SLU7: variants seen among roughly 807,000 people sequenced by gnomAD.
The protein encoded by SLU7 is pre-mRNA-splicing factor SLU7.
In SLU7, 60 loss-of-function variants were observed where a neutral mutation model predicts 87.0. The observed-to-expected ratio is 0.69, with a 90% confidence interval of 0.56 to 0.86. The LOEUF is 0.86. Ranked by LOEUF, SLU7 falls within the 40% of genes least tolerant of loss-of-function variation. SLU7 has a pLI of 0.00. For synonymous variants in SLU7, 197 were observed against 222.0 expected (o/e 0.89, Z 1.00); for missense variants, 507 against 686.6 (o/e 0.74, Z 2.92).
chr5:160,408,289 A>C lies in SLU7; in HGVS notation c.819+40T>G, dbSNP rs780044221. Reference sequence around the variant, plus strand: ...CGATAAAATTTATGCTGGGAAGACAAGTATTTTTCAAATATGTATGTTAAG... The same window carrying C: ...CGATAAAATTTATGCTGGGAAGACACGTATTTTTCAAATATGTATGTTAAG... On this transcript the variant is annotated intron_variant, in intron 8 of 15. Coordinates refer to ENST00000297151, the MANE Select transcript of SLU7 (RefSeq NM_006425.5). The C allele has an allele frequency of 1.4e-5, 22 of 1,583,032 alleles. No homozygotes were observed. The South Asian group carries it at 2.5e-4, about 18-fold the overall frequency.
Position 160,407,571 on chromosome 5 carries a change from G to C in SLU7, c.1030C>G (p.Gln344Glu). The change falls in exon 11 of 16, where the codon CAG (glutamine) becomes GAG (glutamate). Residue 344 changes from glutamine (Q) to glutamate (E), a missense_variant. Coordinates refer to ENST00000297151, the MANE Select transcript of SLU7 (RefSeq NM_006425.5). This position sits in a 1 kb window ranked among gnomAD's most constrained non-coding sequence, Gnocchi z 4.2. ...AGCTCTAGCTTTGTAGGATCTGCCT[G>C]TAGATGCACTTCAGATCCCTTGTCA... ...AYDKGSEVHLQADPTKLELLY... is the reference protein window; with the variant it reads ...AYDKGSEVHLEADPTKLELLY... 1 of 1,613,584 alleles carries C rather than the reference G, an allele frequency of 6.2e-7. No homozygotes were observed.
Position 160,407,352 on chromosome 5 carries a change from A to T in SLU7, c.1125+124T>A. ...CATCTGACTAAGAGAAAGGAAGAAAAGGACTATTCTTCATGGATTAAGAGG... is the reference window on the plus strand; with the variant it reads ...CATCTGACTAAGAGAAAGGAAGAAATGGACTATTCTTCATGGATTAAGAGG... On this transcript the variant is annotated intron_variant, in intron 11 of 15. Coordinates refer to ENST00000297151, the MANE Select transcript of SLU7 (RefSeq NM_006425.5). The surrounding 1 kb of genome is among the most constrained non-coding windows in gnomAD (Gnocchi z 4.2). The T allele has an allele frequency of 2.5e-6, 2 of 786,864 alleles. No individual in the cohort carries two copies. Among genetic ancestry groups the T allele is most frequent in the Middle Eastern group, 3.6e-4 (1 of 2,806 alleles). 48.7% of individuals were successfully genotyped at this position (786,864 alleles called of 1,614,324 possible).
intron 2 of SLU7, among the ~76,000 whole-genome samples, chr5:160,414,909 A>G (rs1408021843): frequency 3.3e-5 from 5 of 152,214 alleles, no homozygotes; most frequent in African/African-American, 9.6e-5. Flanking sequence ...AGAGCAGGCC[A>G]GGGGTGGGAA....
intron 1 of SLU7, 176 bp downstream of exon 1, chr5:160,418,847 C>G (rs1201564383): frequency 6.6e-6 from 1 of 152,324 alleles, no homozygotes; most frequent in Non-Finnish European, 1.5e-5. Context: ...TGGCAGGGCA[C>G]GAGTGCCATG....
intron 15 of SLU7, 80 bp downstream of exon 15, chr5:160,404,360 G>A (rs1764909334): frequency 2.3e-6 from 2 of 874,614 alleles, no homozygotes; most frequent in Admixed American, 2.1e-5. Context: ...GCAAGACCCT[G>A]TCTCAAAAAA....
rs779503398 is a variant in SLU7, at chr5:160,403,346, T to TC, written c.1699dup (p.Glu567GlyfsTer4). On this transcript the variant is annotated frameshift_variant, in exon 16 of 16. Transcript: ENST00000297151. LOFTEE classifies it high-confidence loss of function. ...CCTCTGACGTTTCATTCTATATGCC[T>TC]CCATTTCCTCTTCAGTAGGTTCTCG... is the stretch of plus-strand genomic sequence containing the variant. 6.2e-7 allele frequency: 1 copy of TC among 1,613,374 alleles called. No homozygotes were observed. The highest frequency in any genetic ancestry group is 8.5e-7 in the Non-Finnish European group (1 of 1,179,726).
At chr5:160,406,928 T>C (rs1026563850) in intron 11 of SLU7, among the ~76,000 whole-genome samples, 3 of 152,230 alleles carry the variant, frequency 2.0e-5, no homozygotes, top group African/African-American at 7.2e-5. Context: ...AGACGAAGTC[T>C]TTCTCTGTCC....
Position 160,402,280 on chromosome 5 carries a change from G to C in SLU7, c.*1005C>G, listed in dbSNP as rs771004366. ...GTAAACCATATCCTCTATGATAAAG[G>C]AAAGGATTTCTACACCTAGACTTAT... On this transcript the variant is annotated 3_prime_UTR_variant, in exon 16 of 16. Transcript: ENST00000297151. The C allele has an allele frequency of 8.5e-5, 13 of 152,084 alleles. No individual in the cohort carries two copies. The highest frequency in any genetic ancestry group is 1.9e-4 in the Non-Finnish European group (13 of 68,006). The allele number at this position is 152,084 out of a possible 1,614,324, so 9.4% of individuals were successfully genotyped here. A position where few individuals can be genotyped will look rare whatever the true frequency, so the allele number is the denominator to read the frequency against.
At position 160,404,460 on chromosome 5, in the gene SLU7, T is replaced by G; in HGVS notation, c.1561A>C (p.Lys521Gln). 6 of 1,594,480 alleles carry G rather than the reference T, an allele frequency of 3.8e-6. No homozygotes were observed. The highest frequency in any genetic ancestry group is 1.1e-5 in the South Asian group (1 of 88,706). Residue 521 changes from lysine (K) to glutamine (Q), a missense_variant, in exon 15 of 16, where the codon AAG (lysine) becomes CAG (glutamine). Physicochemically the swap from Lys to Gln is moderately conservative, Grantham distance 53 (BLOSUM62 1). Coordinates refer to ENST00000297151, the MANE Select transcript of SLU7 (RefSeq NM_006425.5). ...SSSDSDDEEK[K>Q]HEKLKKALNA... ...ATTACCTTTTTCAATTTTTCATGCT[T>G]CTTTTCTTCATCATCACTATCTGAA...
In SLU7 at chr5:160,407,924, T is replaced by C; in HGVS notation, c.917+47A>G. The C allele has an allele frequency of 3.3e-6, 5 of 1,506,882 alleles. No homozygotes were observed. Among genetic ancestry groups the C allele is most frequent in the Non-Finnish European group, 3.7e-6 (4 of 1,083,614 alleles). The allele number at this position is 1,506,882 out of a possible 1,614,324, so 93.3% of individuals were successfully genotyped here. A position where few individuals can be genotyped will look rare whatever the true frequency, so the allele number is the denominator to read the frequency against. On this transcript the variant is annotated intron_variant, in intron 9 of 15. Transcript: ENST00000297151. The surrounding 1 kb of genome is among the most constrained non-coding windows in gnomAD (Gnocchi z 4.2). ...CATCTATGGTCAGGTCAGAAAACAA[T>C]TAACTTTCTCTCATCTTAAAATCTG...
rs1488469920 is a variant in SLU7 at position 160,414,584 on chromosome 5, T to C, written c.171-112A>G. ...TCTAAGAACAGAAATATTGCAGTGGTAGGGGGAAGAGAACAAGGTTGCTAT... is the reference window on the plus strand; with the variant it reads ...TCTAAGAACAGAAATATTGCAGTGGCAGGGGGAAGAGAACAAGGTTGCTAT... On this transcript the variant is annotated intron_variant, in intron 2 of 15. Coordinates refer to ENST00000297151, the MANE Select transcript of SLU7 (RefSeq NM_006425.5). 5 of 579,004 alleles carry C rather than the reference T, an allele frequency of 8.6e-6. No individual in the cohort carries two copies. In the East Asian group the frequency reaches 1.6e-4, roughly 18 times the overall value. The allele number at this position is 579,004 out of a possible 1,614,324, so 35.9% of individuals were successfully genotyped here.
chr5:160,415,257 G>A lies in SLU7; in HGVS notation c.38C>T (p.Pro13Leu). 6.2e-7 allele frequency: 1 copy of A among 1,609,112 alleles called. No individual in the cohort carries two copies. Among genetic ancestry groups the A allele is most frequent in the South Asian group, 1.1e-5 (1 of 89,964 alleles). ...ATVVDAVNAA[P>L]LSGSKEMSLE... ...ACTCATTTCTTTGGACCCCGATAGG[G>A]GTGCAGCATTAACTGCATCTACAAC... The change falls in exon 2 of 16, where the codon CCC becomes CTC. Residue 13 changes from proline to leucine, a missense_variant. By Grantham distance (98) the Pro-to-Leu change is moderately conservative. Around this residue, in one of 6 missense-constraint regions of SLU7, gnomAD observed 33 missense variants for 37.3 expected, o/e 0.88. Transcript: ENST00000297151.
intron 8 of SLU7, 31 bp downstream of exon 8, chr5:160,408,298 C>G: frequency 1.3e-6 from 2 of 1,546,164 alleles, no homozygotes; most frequent in African/African-American, 1.4e-5. Context: ...AAGTATTTTT[C>G]AAATATGTAT....
chr5:160,403,267 T>A lies in SLU7; in HGVS notation c.*18A>T. Reference sequence around the variant, plus strand: ...ATGTATCAGCTGCATCTATCTTGGATGGTCTTCTGACTAGTTGCTACTGTC... The same window carrying A: ...ATGTATCAGCTGCATCTATCTTGGAAGGTCTTCTGACTAGTTGCTACTGTC... On this transcript the variant is annotated 3_prime_UTR_variant, in exon 16 of 16. Transcript: ENST00000297151. 7 of 1,559,192 alleles carry A rather than the reference T, an allele frequency of 4.5e-6. No individual in the cohort carries two copies. The highest frequency in any genetic ancestry group is 6.1e-6 in the Non-Finnish European group (7 of 1,152,302).
chr5:160,415,716 T>A (rs1279620114), intron 1 of SLU7, among the ~76,000 whole-genome samples: 1 of 152,158 alleles, frequency 6.6e-6, no homozygotes, highest in African/African-American at 2.4e-5. Flanking sequence ...ACCTTCTATT[T>A]TCATCCTCAC....
intron 12 of SLU7, among the ~76,000 whole-genome samples, chr5:160,406,004 G>A (rs1764994907): frequency 6.6e-6 from 1 of 152,172 alleles, no homozygotes; most frequent in African/African-American, 2.4e-5. Context: ...TAGATATTAG[G>A]TGATATAATG....
Position 160,407,738 on chromosome 5 carries a change from A to C in SLU7, c.985+8T>G. 6.2e-7 allele frequency: 1 copy of C among 1,610,346 alleles called. No homozygotes were observed. Among genetic ancestry groups the C allele is most frequent in the Non-Finnish European group, 8.5e-7 (1 of 1,177,968 alleles). ...TATAAAATGGCTTGACATAGAGGAA[A>C]CACTTACACTGTGTCTGAGCCATTG... On this transcript the variant is annotated splice_region_variant and intron_variant, in intron 10 of 15. Coordinates refer to ENST00000297151, the MANE Select transcript of SLU7 (RefSeq NM_006425.5). This position sits in a 1 kb window ranked among gnomAD's most constrained non-coding sequence, Gnocchi z 4.2.
chr5:160,405,471 T>C (rs1306669717), intron 12 of SLU7, among the ~76,000 whole-genome samples: 1 of 152,244 alleles, frequency 6.6e-6, no homozygotes, highest in Admixed American at 6.5e-5. Context: ...CCCCATTAGA[T>C]AGGGCTTGTG....
chr5:160,416,577 A>T (rs1765465917), intron 1 of SLU7, among the ~76,000 whole-genome samples: 1 of 152,196 alleles, frequency 6.6e-6, no homozygotes, highest in Non-Finnish European at 1.5e-5. Context: ...AATGAAAGAC[A>T]ACACCATCCG....
Sources: allele counts gnomAD v4.1 joint callset (sites outside exome capture counted in the v4.1 genomes callset), GRCh38; gene constraint gnomAD v4.1.1; regional missense constraint gnomAD v4.1.1; non-coding constraint Gnocchi (gnomAD v3.1); transcripts MANE v1.5; gene names NCBI Gene and HGNC (gene_info 2026-07-23, HGNC 2026-07-21).